The following SH3RF1 variants were observed in gnomAD, a reference collection of about 807,000 sequenced individuals.
SH3RF1 encodes E3 ubiquitin-protein ligase SH3RF1.
A neutral mutation model predicts 74.0 loss-of-function variants in SH3RF1; 32 were observed. The observed-to-expected ratio is 0.43, with a 90% CI of 0.33 to 0.58. The LOEUF (loss-of-function observed/expected upper bound fraction) is 0.58. SH3RF1 is among the 20% of genes least tolerant of loss of function. The pLI is 0.05. For synonymous variants in SH3RF1, 396 were observed against 439.6 expected (o/e 0.90, Z 1.24); for missense variants, 954 against 1,130.9 (o/e 0.84, Z 2.24).
intron 2 of SH3RF1, among the ~76,000 whole-genome samples, chr4:169,213,468 T>C (rs1730413046): frequency 6.6e-6 from 1 of 152,234 alleles, no homozygotes; most frequent in South Asian, 2.1e-4. Flanking sequence ...TTTCTCCTAG[T>C]CTGTAACTTG....
chr4:169,251,344 C>T (rs960156025), intron 2 of SH3RF1, among the ~76,000 whole-genome samples: 6 of 152,220 alleles, frequency 3.9e-5, no homozygotes, highest in African/African-American at 1.4e-4. Context: ...ACATTCCTCT[C>T]AGTGACTTTG....
chr4:169,228,834 C>T (rs1040269391), intron 2 of SH3RF1, among the ~76,000 whole-genome samples: 4 of 152,144 alleles, frequency 2.6e-5, no homozygotes, highest in African/African-American at 9.7e-5. Flanking sequence ...TTAGATTTCC[C>T]TGCCCTAATT....
intron 6 of SH3RF1, among the ~76,000 whole-genome samples, chr4:169,126,016 T>C (rs1046220571): frequency 1.3e-5 from 2 of 152,234 alleles, no homozygotes; most frequent in African/African-American, 4.8e-5. Context: ...GGTCTCTATG[T>C]TTCACTATAC....
chr4:169,107,723 AG>A (rs1229017626), intron 10 of SH3RF1, among the ~76,000 whole-genome samples: 4 of 152,238 alleles, frequency 2.6e-5, no homozygotes, highest in Non-Finnish European at 5.9e-5. Flanking sequence ...TCTATTCCAC[AG>A]GCATGGACGT....
rs760818850 is a variant in SH3RF1, at chr4:169,251,064, C to T, written c.393+17756G>A. On this transcript the variant is annotated intron_variant, in intron 2 of 11. Transcript: ENST00000284637. The stretch of plus-strand genomic sequence containing the variant: ...AGGAAAAGGGCAGGACTCAGTTATG[C>T]GACTGAAGTCTAATGGACCATTATA... Among the ~76,000 whole-genome samples, 16 of 152,212 alleles carry T rather than the reference C, an allele frequency of 1.1e-4. No homozygotes were observed. In the South Asian group the frequency reaches 2.1e-3, roughly 20 times the overall value.
At chr4:169,100,871 C>A (rs1314003024) in intron 11 of SH3RF1, among the ~76,000 whole-genome samples, 1 of 152,172 alleles carries the variant, frequency 6.6e-6, no homozygotes, top group African/African-American at 2.4e-5. Flanking sequence ...CTTTACTTCC[C>A]CCACGCCACA....
chr4:169,155,629 C>T, intron 3 of SH3RF1, 54 bp from the exon 4 acceptor site: 1 of 1,312,892 alleles, frequency 7.6e-7, no homozygotes, highest in East Asian at 2.3e-5. Context: ...TACCATTAAG[C>T]TTGTCATTTA....
At chr4:169,252,566 A>G (rs1429559793) in intron 2 of SH3RF1, among the ~76,000 whole-genome samples, 2 of 152,246 alleles carry the variant, frequency 1.3e-5, no homozygotes, top group African/African-American at 4.8e-5. Context: ...GCCAGATAAT[A>G]GTCAACTGAC....
At chr4:169,123,612 G>A (rs896054267) in intron 6 of SH3RF1, among the ~76,000 whole-genome samples, 3 of 152,084 alleles carry the variant, frequency 2.0e-5, no homozygotes, top group African/African-American at 2.4e-5. Context: ...GTTATAGCTC[G>A]CAGGCGCAGT....
chr4:169,162,921 T>C (rs1237642093), intron 2 of SH3RF1, among the ~76,000 whole-genome samples: 2 of 152,204 alleles, frequency 1.3e-5, no homozygotes, highest in East Asian at 3.9e-4. Flanking sequence ...CTGCTCACGC[T>C]CATCTGTGGG....
chr4:169,203,891 G>A (rs1420712768), intron 2 of SH3RF1: 1 of 152,170 alleles, frequency 6.6e-6, no homozygotes, highest in Non-Finnish European at 1.5e-5. Flanking sequence ...GGGTTTTAAA[G>A]TCTGGTTGCA....
chr4:169,104,476 C>T (rs769812884), intron 11 of SH3RF1, among the ~76,000 whole-genome samples: 97 of 152,234 alleles, frequency 6.4e-4, no homozygotes, highest in Non-Finnish European at 5.4e-4. Flanking sequence ...AAGAGCACAA[C>T]AGATGAGAGG....
rs374558381 is a variant in SH3RF1, at chr4:169,116,317, T to C, written c.2091A>G (p.Ser697=). 3 of 1,613,950 alleles carry C rather than the reference T, an allele frequency of 1.9e-6. No individual in the cohort carries two copies. Among genetic ancestry groups the C allele is most frequent in the Admixed American group, 1.7e-5 (1 of 60,004 alleles). Residue 697 remains serine, a synonymous_variant, in exon 10 of 12, where the codon TCA becomes TCG. Transcript: ENST00000284637. Reference sequence around the variant, plus strand: ...TTGCTGAACTGTTCCCACAAGCTGATGAAGCACTGTCAGGAGATGTGGGGA... The same window carrying C: ...TTGCTGAACTGTTCCCACAAGCTGACGAAGCACTGTCAGGAGATGTGGGGA... ...PGLPTSPDSA[S]SACGNSSATK...
rs1732894667 is a variant in SH3RF1 at position 169,095,187 on chromosome 4, G to A, written c.*1332C>T. On this transcript the variant is annotated 3_prime_UTR_variant, in exon 12 of 12. Transcript: ENST00000284637. ...CCAGAGCTCCACAGTCACAGGAGTA[G>A]TCTCCTGGTTAACTCATCCTTGATG... The A allele has an allele frequency of 6.6e-6, 1 of 152,658 alleles. No individual in the cohort carries two copies. The highest frequency in any genetic ancestry group is 6.5e-5 in the Admixed American group (1 of 15,286). The allele number at this position is 152,658 out of a possible 1,614,324, so 9.5% of individuals were successfully genotyped here. A position where few individuals can be genotyped will look rare whatever the true frequency, so the allele number is the denominator to read the frequency against.
chr4:169,219,820 A>C (rs1730533869), intron 2 of SH3RF1, among the ~76,000 whole-genome samples: 1 of 152,212 alleles, frequency 6.6e-6, no homozygotes, highest in African/African-American at 2.4e-5. Context: ...TTATTAGAAA[A>C]TCAATTATTT....
chr4:169,121,154 T>C (rs999760563), intron 7 of SH3RF1, among the ~76,000 whole-genome samples, 165 bp from the exon 8 acceptor site: 23 of 152,164 alleles, frequency 1.5e-4, no homozygotes, highest in African/African-American at 5.1e-4. Context: ...TTGAAAGAGG[T>C]TTTGCTGTCT....
intron 2 of SH3RF1, among the ~76,000 whole-genome samples, chr4:169,205,078 G>A (rs902500912): frequency 2.6e-5 from 4 of 152,224 alleles, no homozygotes; most frequent in Non-Finnish European, 4.4e-5. Context: ...CTGATGTGCT[G>A]ACAGAGTAAC....
At chr4:169,241,477 C>T (rs566352001) in intron 2 of SH3RF1, among the ~76,000 whole-genome samples, 1 of 152,244 alleles carries the variant, frequency 6.6e-6, no homozygotes, top group African/African-American at 2.4e-5. Flanking sequence ...ATCCATCATC[C>T]ATGGAAGTAA....
chr4:169,212,852 T>A (rs1021585236), intron 2 of SH3RF1, among the ~76,000 whole-genome samples: 2 of 152,220 alleles, frequency 1.3e-5, no homozygotes, highest in African/African-American at 4.8e-5. Context: ...GTGCTCAACT[T>A]ACTCATTCTC....
Sources: allele counts gnomAD v4.1 joint callset (sites outside exome capture counted in the v4.1 genomes callset), GRCh38; gene constraint gnomAD v4.1.1; transcripts MANE v1.5; gene names NCBI Gene and HGNC (gene_info 2026-07-23, HGNC 2026-07-21).